WAPL: variants seen among roughly 807,000 people sequenced by gnomAD.
WAPL encodes wings apart-like protein homolog.
A neutral mutation model predicts 121.0 loss-of-function variants in WAPL; 5 were observed. That is an observed-to-expected ratio of 0.04 (90% CI 0.02 to 0.09). The LOEUF (loss-of-function observed/expected upper bound fraction) is 0.09. Ranked by LOEUF, WAPL falls within the 10% of genes least tolerant of loss-of-function variation. WAPL has a pLI of 1.00. For missense variants in WAPL, 999 were observed against 1,410.8 expected (o/e 0.71, Z 4.68); for synonymous variants, 480 against 481.5 (o/e 1.00, Z 0.04).
chr10:86,467,627 A>C, intron 8 of WAPL, 121 bp from the exon 9 acceptor site: 2 of 732,444 alleles, frequency 2.7e-6, no homozygotes, highest in Non-Finnish European at 4.1e-6. Context: ...TATATTACTA[A>C]CCATGTTGGA....
At position 86,440,484 on chromosome 10, in the gene WAPL, GGTTTCACC is replaced by G. The variant is rs887086979; in HGVS notation, c.3412-2477_3412-2470del. Among the ~76,000 whole-genome samples, 9 of 151,920 alleles carry G rather than the reference GGTTTCACC, an allele frequency of 5.9e-5. 1 individual carries two copies. Among genetic ancestry groups the G allele is most frequent in the South Asian group, 4.2e-4 (2 of 4,800 alleles). On this transcript the variant is annotated intron_variant, in intron 17 of 18. Transcript: ENST00000298767. ...TTTTTTGTATTTTTAGTAGAGACGG[GGTTTCACC>G]GTTTCACCGTGTTAGCCAGGATGGT...
rs1297226090 is a variant in WAPL at position 86,450,053 on chromosome 10, C to T, written c.3114+1914G>A. Among the ~76,000 whole-genome samples the T allele has an allele frequency of 2.0e-5, 3 of 152,056 alleles. No individual in the cohort carries two copies. The East Asian group carries it at 5.8e-4, about 29-fold the overall frequency. On this transcript the variant is annotated intron_variant, in intron 15 of 18. Coordinates refer to ENST00000298767, the MANE Select transcript of WAPL (RefSeq NM_015045.5). Reference sequence around the variant, plus strand: ...CTAAAGTGCAGTTAACAGTAATGTACTAATGTCAATTTCTTGGTTTTGCTA... The same window carrying T: ...CTAAAGTGCAGTTAACAGTAATGTATTAATGTCAATTTCTTGGTTTTGCTA...
intron 16 of WAPL, among the ~76,000 whole-genome samples, chr10:86,444,605 A>T (rs1480059281): frequency 2.0e-5 from 3 of 152,182 alleles, no homozygotes; most frequent in African/African-American, 7.2e-5. Context: ...TTTAAATGGA[A>T]TGTCCAAAAC....
Position 86,436,781 on chromosome 10 carries a change from A to G in WAPL, c.*762T>C, listed in dbSNP as rs1210364292. The stretch of plus-strand genomic sequence containing the variant: ...GACTATTTTGCCTCCTCCTTTTAAC[A>G]GGGCACATCATCTTATATAATATTC... On this transcript the variant is annotated 3_prime_UTR_variant, in exon 19 of 19. Transcript: ENST00000298767. 2 of 152,642 alleles carry G rather than the reference A, an allele frequency of 1.3e-5. No individual in the cohort carries two copies. Among genetic ancestry groups the G allele is most frequent in the Non-Finnish European group, 2.9e-5 (2 of 68,038 alleles). 9.5% of individuals were successfully genotyped at this position (152,642 alleles called of 1,614,324 possible).
chr10:86,513,690 C>T (rs1306348823), intron 2 of WAPL, among the ~76,000 whole-genome samples: 1 of 152,188 alleles, frequency 6.6e-6, no homozygotes. Context: ...CAACCACATA[C>T]TCCCCTATAG....
intron 16 of WAPL, 128 bp downstream of exon 16, chr10:86,446,113 TG>T: frequency 1.0e-6 from 1 of 987,206 alleles, no homozygotes; most frequent in Non-Finnish European, 1.5e-6. Flanking sequence ...AAAGCTTGTC[TG>T]GACTGAACTA....
At chr10:86,453,105 T>C in intron 14 of WAPL, 115 bp downstream of exon 14, 1 of 387,704 alleles carries the variant, frequency 2.6e-6, no homozygotes, top group Non-Finnish European at 4.2e-6. Context: ...AGGAAATTCA[T>C]GAAAAAAAAC....
At chr10:86,471,639 T>C (rs1242293209) in intron 7 of WAPL, among the ~76,000 whole-genome samples, 1 of 152,044 alleles carries the variant, frequency 6.6e-6, no homozygotes, top group Non-Finnish European at 1.5e-5. Flanking sequence ...ATTTACTTTA[T>C]TTCTTTCTGG....
chr10:86,484,184 G>A (rs1462733487), intron 4 of WAPL, among the ~76,000 whole-genome samples: 1 of 152,134 alleles, frequency 6.6e-6, no homozygotes, highest in Non-Finnish European at 1.5e-5. Context: ...AAATTAAAAC[G>A]TTTATAATGT....
intron 2 of WAPL, among the ~76,000 whole-genome samples, chr10:86,513,201 T>A (rs1842497786): frequency 6.6e-6 from 1 of 152,188 alleles, no homozygotes; most frequent in Non-Finnish European, 1.5e-5. Context: ...TTTCACTATG[T>A]TGGCCAGGCT....
rs758082817 is a variant in WAPL at position 86,452,091 on chromosome 10, C to T, written c.2990G>A (p.Arg997Gln). The T allele has an allele frequency of 2.5e-6, 4 of 1,613,874 alleles. No homozygotes were observed. Among genetic ancestry groups the T allele is most frequent in the East Asian group, 2.2e-5 (1 of 44,884 alleles). The change falls in exon 15 of 19, where the codon CGG (arginine) becomes CAG (glutamine). Residue 997 changes from arginine (R) to glutamine (Q), a missense_variant. Around this residue, in one of 7 missense-constraint regions of WAPL, gnomAD observed 85 missense variants for 133.5 expected, o/e 0.64. Coordinates refer to ENST00000298767, the MANE Select transcript of WAPL (RefSeq NM_015045.5). ...CATGTTGACAAGACAGTGCCGATTC[C>T]GAGCACTATACTCCACTAGATTTAT... is the stretch of plus-strand genomic sequence containing the variant. The part of the protein sequence containing the change: ...LLINLVEYSA[R>Q]NRHCLVNMET...
chr10:86,478,046 A>T (rs1372793311), intron 4 of WAPL, among the ~76,000 whole-genome samples: 1 of 150,574 alleles, frequency 6.6e-6, no homozygotes, highest in Admixed American at 6.7e-5. Flanking sequence ...CAAAAGCGAA[A>T]CTCTGTCTCG....
intron 11 of WAPL, among the ~76,000 whole-genome samples, chr10:86,459,608 A>G (rs182631394): frequency 7.0e-4 from 107 of 152,382 alleles, no homozygotes; most frequent in African/African-American, 2.4e-3. Flanking sequence ...CTTTCGTAAG[A>G]GTCAAAGAAC....
At chr10:86,453,473 G>T (rs1841050775) in intron 13 of WAPL, 138 bp from the exon 14 acceptor site, 1 of 1,187,152 alleles carries the variant, frequency 8.4e-7, no homozygotes, top group Non-Finnish European at 1.2e-6. Flanking sequence ...ATACTTCTGG[G>T]TCAAGCTACT....
At position 86,436,389 on chromosome 10, in the gene WAPL, G is replaced by GA. The variant is rs796321479; in HGVS notation, c.*1153dup. The GA allele has an allele frequency of 3.0e-3, 384 of 127,788 alleles. 1 individual carries two copies. The highest frequency in any genetic ancestry group is 8.3e-3 in the East Asian group (36 of 4,358). 7.9% of individuals were successfully genotyped at this position (127,788 alleles called of 1,614,324 possible). On this transcript the variant is annotated 3_prime_UTR_variant, in exon 19 of 19. Coordinates refer to ENST00000298767, the MANE Select transcript of WAPL (RefSeq NM_015045.5). ...TATTCAGGCCCAATCAATAAAAAAG[G>GA]AAAAAAAAAAGTATAACCAGTGGTG...
intron 15 of WAPL, among the ~76,000 whole-genome samples, chr10:86,449,316 C>T (rs1490478939): frequency 1.3e-5 from 2 of 152,182 alleles, no homozygotes; most frequent in African/African-American, 4.8e-5. Flanking sequence ...TTTCTTGACA[C>T]TTTAAGGTAA....
chr10:86,456,047 GA>G (rs1471764013), intron 12 of WAPL, among the ~76,000 whole-genome samples: 11 of 152,210 alleles, frequency 7.2e-5, no homozygotes, highest in Non-Finnish European at 1.5e-5. Context: ...GGCAACTTGA[GA>G]GAGGAATCAA....
intron 4 of WAPL, among the ~76,000 whole-genome samples, chr10:86,489,961 C>CT (rs1491351746): frequency 6.7e-6 from 1 of 150,176 alleles, no homozygotes; most frequent in Non-Finnish European, 1.5e-5. Flanking sequence ...GGGAGGCCAA[C>CT]TTTGGTACTT....
chr10:86,459,374 A>G (rs1351490435), intron 11 of WAPL, among the ~76,000 whole-genome samples: 1 of 152,264 alleles, frequency 6.6e-6, no homozygotes, highest in Non-Finnish European at 1.5e-5. Context: ...CAAATAACGT[A>G]AAGTTCATAA....
Sources: gnomAD v4.1 joint callset for allele counts (sites outside exome capture counted in the v4.1 genomes callset) on GRCh38, gnomAD v4.1.1 for gene constraint, gnomAD v4.1.1 regional missense constraint, MANE v1.5 for transcripts, NCBI Gene and HGNC (gene_info 2026-07-23, HGNC 2026-07-21) for gene names.